The following MYCBP2 variants were observed in gnomAD, a reference collection of about 807,000 sequenced individuals.
The protein encoded by MYCBP2 is MYC binding protein 2.
In MYCBP2, 120 loss-of-function variants were observed where a neutral mutation model predicts 525.3. The observed-to-expected ratio is 0.23, with a 90% CI of 0.20 to 0.27. The LOEUF is 0.27. Among genes scored for constraint, MYCBP2 ranks in the 10% least tolerant of loss-of-function variants. The probability of loss-of-function intolerance (pLI) is 1.00; values close to 1 mark genes in which losing one functional copy is unlikely to be tolerated. For synonymous variants in MYCBP2, 1,894 were observed against 1,955.8 expected, an observed-to-expected ratio of 0.97 and a Z score of 0.83; for missense variants, 4,149 against 5,657.1, an observed-to-expected ratio of 0.73 and a Z score of 8.55.
At chr13:77,202,232 A>G (rs2062693347) in intron 26 of MYCBP2, among the ~76,000 whole-genome samples, 1 of 152,250 alleles carries the variant, frequency 6.6e-6, no homozygotes, top group Admixed American at 6.5e-5. Context: ...CCACAGAAAT[A>G]CAAACTACCA....
intron 7 of MYCBP2, among the ~76,000 whole-genome samples, chr13:77,269,081 T>A (rs1287260795): frequency 6.6e-6 from 1 of 152,200 alleles, no homozygotes; most frequent in East Asian, 1.9e-4. Context: ...GAGTAATGTA[T>A]CCATCTGGCT....
intron 59 of MYCBP2, among the ~76,000 whole-genome samples, chr13:77,090,914 G>C (rs2045289222): frequency 6.6e-6 from 1 of 152,094 alleles, no homozygotes; most frequent in Admixed American, 6.6e-5. Flanking sequence ...AAGTTATTAA[G>C]AGAGCTATAC....
intron 51 of MYCBP2, among the ~76,000 whole-genome samples, chr13:77,139,821 G>A (rs9544422): frequency 0.44 from 66,791 of 151,986 alleles, 18,448 homozygotes; most frequent in Non-Finnish European, 0.62. Context: ...ATACTATGTC[G>A]AACATTGTTC....
Position 77,165,373 on chromosome 13 carries a change from G to A in MYCBP2, c.6359C>T (p.Ser2120Leu), listed in dbSNP as rs2058411085. The A allele has an allele frequency of 4.4e-6, 7 of 1,594,728 alleles. No individual in the cohort carries two copies. The highest frequency in any genetic ancestry group is 1.4e-5 in the African/African-American group (1 of 73,398). Residue 2120 changes from serine (S) to leucine (L), a missense_variant, in exon 42 of 83, where the codon TCA becomes TTA. Ser to Leu is a moderately radical substitution (Grantham distance 145, BLOSUM62 -2). This residue lies in a region of MYCBP2 where 692 missense variants were observed against 852.7 expected (regional missense o/e 0.81). Coordinates refer to ENST00000544440, the MANE Select transcript of MYCBP2 (RefSeq NM_015057.5). ...LVLPGNEALFSLETASDYVKD... is the reference protein window; with the variant it reads ...LVLPGNEALFLLETASDYVKD... ...CACATAATCTGATGCAGTCTCCAAT[G>A]AAAAAAGGGCCTCATTTCCTAATAA... is the stretch of plus-strand genomic sequence containing the variant.
chr13:77,213,857 C>G (rs929159313), intron 21 of MYCBP2, among the ~76,000 whole-genome samples: 5 of 152,194 alleles, frequency 3.3e-5, no homozygotes, highest in Admixed American at 2.6e-4. Flanking sequence ...AAGGAGACAG[C>G]GGGTGTCATG....
intron 1 of MYCBP2, among the ~76,000 whole-genome samples, chr13:77,302,745 A>G (rs2062303056): frequency 1.3e-5 from 2 of 152,198 alleles, no homozygotes; most frequent in Non-Finnish European, 2.9e-5. Context: ...CCAGTGTCCC[A>G]AAAAAAGTTG....
chr13:77,297,915 T>G (rs1272977687), intron 1 of MYCBP2, among the ~76,000 whole-genome samples: 1 of 152,210 alleles, frequency 6.6e-6, no homozygotes, highest in East Asian at 1.9e-4. Flanking sequence ...CTGCAAAAGC[T>G]TAACTCATTT....
At chr13:77,083,237 G>C in intron 62 of MYCBP2, 45 bp from the exon 63 acceptor site, 1 of 1,557,774 alleles carries the variant, frequency 6.4e-7, no homozygotes, top group Non-Finnish European at 8.7e-7. Context: ...TGTGCTGGAA[G>C]GAATCCTCTT....
rs548489830 is a variant in MYCBP2, at chr13:77,178,067, A to G, written c.5134-113T>C. 461 of 680,772 alleles carry G rather than the reference A, an allele frequency of 6.8e-4. 1 individual carries two copies. Among genetic ancestry groups the G allele is most frequent in the Middle Eastern group, 1.0e-3 (3 of 2,942 alleles). The allele number at this position is 680,772 out of a possible 1,614,324, so 42.2% of individuals were successfully genotyped here. A position where few individuals can be genotyped will look rare whatever the true frequency, so the allele number is the denominator to read the frequency against. On this transcript the variant is annotated intron_variant, in intron 34 of 82. Transcript: ENST00000544440. Reference sequence around the variant, plus strand: ...CTTTATTTAATAAGTGGATATAAACATTCCTAAAGGTATGTTCTACTGAGA... The same window carrying G: ...CTTTATTTAATAAGTGGATATAAACGTTCCTAAAGGTATGTTCTACTGAGA...
intron 66 of MYCBP2, chr13:77,077,640 G>A: frequency 2.6e-6 from 1 of 381,536 alleles, no homozygotes; most frequent in Non-Finnish European, 4.7e-6. Flanking sequence ...GTGGAATTGA[G>A]AATTAAAATC....
chr13:77,081,825 G>T lies in MYCBP2; in HGVS notation c.11193+12C>A, dbSNP rs761412282. 2 of 1,606,538 alleles carry T rather than the reference G, an allele frequency of 1.2e-6. No homozygotes were observed. Among genetic ancestry groups the T allele is most frequent in the South Asian group, 1.1e-5 (1 of 89,362 alleles). ...TAACAGGACAACCAGGATAATAACT[G>T]AAATGACTGACCTGACTCATAGCTT... On this transcript the variant is annotated intron_variant, in intron 64 of 82. Transcript: ENST00000544440. The surrounding 1 kb of genome is among the most constrained non-coding windows in gnomAD (Gnocchi z 4.6).
chr13:77,222,123 C>T (rs2065675368), intron 20 of MYCBP2, among the ~76,000 whole-genome samples: 1 of 152,146 alleles, frequency 6.6e-6, no homozygotes, highest in African/African-American at 2.4e-5. Flanking sequence ...CCCACAGGTA[C>T]AGAGGGCCAA....
intron 2 of MYCBP2, among the ~76,000 whole-genome samples, chr13:77,290,878 C>G (rs2077395336): frequency 6.6e-6 from 1 of 152,060 alleles, no homozygotes. Context: ...CTGAAATCAT[C>G]TCAAAGCAAA....
Position 77,045,467 on chromosome 13 carries a change from T to A in MYCBP2, c.13948A>T (p.Thr4650Ser). Reference sequence around the variant, plus strand: ...TGAACAACATGGAGTGGACATTCAGTTCCTTCTAACTGCTTGCCTTTGGGA... The same window carrying A: ...TGAACAACATGGAGTGGACATTCAGATCCTTCTAACTGCTTGCCTTTGGGA... ...AGPKGKQLEGTECPLHVVHPP... is the reference protein window; with the variant it reads ...AGPKGKQLEGSECPLHVVHPP... The change falls in exon 83 of 83, where the codon ACT (threonine) becomes TCT (serine). Residue 4650 changes from threonine to serine, a missense_variant. Transcript: ENST00000544440. 3 of 1,614,092 alleles carry A rather than the reference T, an allele frequency of 1.9e-6. No homozygotes were observed. Among genetic ancestry groups the A allele is most frequent in the Non-Finnish European group, 2.5e-6 (3 of 1,179,972 alleles).
chr13:77,061,766 C>T lies in MYCBP2; in HGVS notation c.12799G>A (p.Gly4267Ser). 1 of 1,608,258 alleles carries T rather than the reference C, an allele frequency of 6.2e-7. No individual in the cohort carries two copies. The highest frequency in any genetic ancestry group is 8.5e-7 in the Non-Finnish European group (1 of 1,176,496). ...CATAAAATGATTGCTGCAGTTTCACCATCATCATGGTTATCACACATAGGC... is the reference window on the plus strand; with the variant it reads ...CATAAAATGATTGCTGCAGTTTCACTATCATCATGGTTATCACACATAGGC... Reference protein sequence around the residue: ...QMPMCDNHDDGETAAIILCNV... With the variant: ...QMPMCDNHDDSETAAIILCNV... The change falls in exon 75 of 83, where the codon GGT becomes AGT. Residue 4267 changes from glycine to serine, a missense_variant. Physicochemically the swap from Gly to Ser is moderately conservative, Grantham distance 56. Coordinates refer to ENST00000544440, the MANE Select transcript of MYCBP2 (RefSeq NM_015057.5).
chr13:77,271,630 A>C (rs1056930430), intron 5 of MYCBP2, among the ~76,000 whole-genome samples: 1 of 152,098 alleles, frequency 6.6e-6, no homozygotes, highest in Non-Finnish European at 1.5e-5. Context: ...ACGAGATCTG[A>C]TGGTTTTATA....
intron 38 of MYCBP2, among the ~76,000 whole-genome samples, chr13:77,170,680 G>A (rs1475560319): frequency 2.0e-5 from 3 of 151,462 alleles, no homozygotes; most frequent in African/African-American, 7.3e-5. Flanking sequence ...GGGTTCAAGC[G>A]ATTCTCCTGC....
chr13:77,296,680 T>C lies in MYCBP2; in HGVS notation c.303-6A>G. 1.5e-6 allele frequency: 2 copies of C among 1,369,408 alleles called. No individual in the cohort carries two copies. The highest frequency in any genetic ancestry group is 2.0e-6 in the Non-Finnish European group (2 of 1,003,858). 84.8% of individuals were successfully genotyped at this position (1,369,408 alleles called of 1,614,324 possible). A position where few individuals can be genotyped will look rare whatever the true frequency, so the allele number is the denominator to read the frequency against. On this transcript the variant is annotated splice_region_variant and splice_polypyrimidine_tract_variant and intron_variant, in intron 1 of 82. Transcript: ENST00000544440. ...TATTTAAAATTTTCTTATTCCTAAA[T>C]ATTAAAAGAAAAATGGGAAAAAAAT... is the stretch of plus-strand genomic sequence containing the variant.
At chr13:77,119,573 G>A (rs1490982532) in intron 55 of MYCBP2, among the ~76,000 whole-genome samples, 1 of 151,926 alleles carries the variant, frequency 6.6e-6, no homozygotes, top group Non-Finnish European at 1.5e-5. Flanking sequence ...ACAGCTCTTC[G>A]ATCTTGGACA....
Sources: allele counts gnomAD v4.1 joint callset (sites outside exome capture counted in the v4.1 genomes callset), GRCh38; gene constraint gnomAD v4.1.1; regional missense constraint gnomAD v4.1.1; non-coding constraint Gnocchi (gnomAD v3.1); transcripts MANE v1.5; gene names NCBI Gene and HGNC (gene_info 2026-07-23, HGNC 2026-07-21).